The following IMMP2L variants were observed in gnomAD, a reference collection of about 807,000 sequenced individuals.
IMMP2L encodes inner mitochondrial membrane peptidase subunit 2.
A neutral mutation model predicts 19.3 loss-of-function variants in IMMP2L; 18 were observed. That is an observed-to-expected ratio of 0.93 (90% CI 0.64 to 1.38). The LOEUF is 1.38. IMMP2L is among the 40% of genes most tolerant of loss of function. The probability of loss-of-function intolerance (pLI) is 0.00; values close to 1 mark genes in which losing one functional copy is unlikely to be tolerated. For missense variants in IMMP2L, 233 were observed against 218.2 expected (o/e 1.07, Z -0.43); for synonymous variants, 76 against 73.0 (o/e 1.04, Z -0.21).
rs1167207546 is a variant in IMMP2L at position 111,248,777 on chromosome 7, G to A, written c.239+238461C>T. 3.3e-4 allele frequency among the ~76,000 whole-genome samples: 11 copies of A among 33,036 alleles called. No homozygotes were observed. In the East Asian group the frequency reaches 0.01, roughly 31 times the overall value. 21.7% of individuals were successfully genotyped at this position (33,036 alleles called of 152,430 possible). The stretch of plus-strand genomic sequence containing the variant: ...AGCTGCAGGTCTGTTGGAATACCCT[G>A]CCGTGTGAGATGTCAGTGTGCCCCT... On this transcript the variant is annotated intron_variant, in intron 3 of 5. Transcript: ENST00000405709.
intron 4 of IMMP2L, among the ~76,000 whole-genome samples, chr7:110,890,631 G>C (rs1280573888): frequency 1.3e-5 from 2 of 152,100 alleles, no homozygotes; most frequent in Non-Finnish European, 2.9e-5. Context: ...TAATCTTTTA[G>C]GTGATTTAAC....
intron 3 of IMMP2L, among the ~76,000 whole-genome samples, chr7:111,427,730 T>C (rs1480722446): frequency 1.3e-5 from 2 of 151,766 alleles, no homozygotes; most frequent in Admixed American, 6.6e-5. Context: ...GTTTCCATTA[T>C]GCCAAAAAAT....
intron 3 of IMMP2L, among the ~76,000 whole-genome samples, chr7:111,459,891 A>G (rs1403426439): frequency 6.6e-6 from 1 of 152,158 alleles, no homozygotes; most frequent in African/African-American, 2.4e-5. Flanking sequence ...GGAAATTGCT[A>G]AAGTCTGGAA....
At chr7:111,211,792 GA>G (rs1482303628) in intron 3 of IMMP2L, among the ~76,000 whole-genome samples, 1 of 151,830 alleles carries the variant, frequency 6.6e-6, no homozygotes, top group African/African-American at 2.4e-5. Context: ...GGCAGATCGA[GA>G]CCATCCTGGC....
At chr7:110,982,051 C>G (rs1435678496) in intron 3 of IMMP2L, among the ~76,000 whole-genome samples, 1 of 152,128 alleles carries the variant, frequency 6.6e-6, no homozygotes, top group Non-Finnish European at 1.5e-5. Context: ...ATTGCAAGAT[C>G]TTTTTCAAAG....
At chr7:111,142,789 A>G (rs1803073432) in intron 3 of IMMP2L, among the ~76,000 whole-genome samples, 1 of 152,174 alleles carries the variant, frequency 6.6e-6, no homozygotes, top group Admixed American at 6.5e-5. Flanking sequence ...GCAATATCCT[A>G]TACCTGAGGA....
intron 5 of IMMP2L, among the ~76,000 whole-genome samples, chr7:110,885,278 C>T (rs1342033858): frequency 6.6e-6 from 1 of 151,748 alleles, no homozygotes; most frequent in Non-Finnish European, 1.5e-5. Context: ...TTCCTTTGAG[C>T]ATCATATTGG....
At chr7:111,551,859 G>C (rs952598485) in intron 1 of IMMP2L, among the ~76,000 whole-genome samples, 4 of 152,056 alleles carry the variant, frequency 2.6e-5, no homozygotes, top group Non-Finnish European at 5.9e-5. Flanking sequence ...AGGAAATATA[G>C]CCCCTACTAC....
chr7:111,426,516 G>T (rs905003523), intron 3 of IMMP2L, among the ~76,000 whole-genome samples: 6 of 151,060 alleles, frequency 4.0e-5, no homozygotes, highest in African/African-American at 1.5e-4. Context: ...GGTTTCCCTA[G>T]ACCAGGATGC....
chr7:111,268,569 C>CTT lies in IMMP2L; in HGVS notation c.239+218667_239+218668dup, dbSNP rs762576425. Among the ~76,000 whole-genome samples the CTT allele has an allele frequency of 9.3e-3, 416 of 44,592 alleles. 75 individuals are homozygous for CTT. The highest frequency in any genetic ancestry group is 0.012 in the Non-Finnish European group (327 of 26,636). 29.3% of individuals were successfully genotyped at this position (44,592 alleles called of 152,430 possible). On this transcript the variant is annotated intron_variant, in intron 3 of 5. Coordinates refer to ENST00000405709, the MANE Select transcript of IMMP2L (RefSeq NM_032549.4). ...GATATGAGTTAAACTTCACATTTCT[C>CTT]TTTTTTTTTTTTTTTTTTTTTTTTT...
At chr7:111,276,273 T>G (rs532910845) in intron 3 of IMMP2L, among the ~76,000 whole-genome samples, 1 of 152,252 alleles carries the variant, frequency 6.6e-6, no homozygotes, top group Admixed American at 6.5e-5. Flanking sequence ...TATCGAAGCA[T>G]CCTTGCATCC....
At chr7:111,385,476 C>T (rs1831644149) in intron 3 of IMMP2L, among the ~76,000 whole-genome samples, 5 of 152,110 alleles carry the variant, frequency 3.3e-5, no homozygotes, top group African/African-American at 4.8e-5. Context: ...GAAGTGAGTC[C>T]ACAACCACAC....
intron 3 of IMMP2L, among the ~76,000 whole-genome samples, chr7:111,424,191 C>G (rs758765119): frequency 1.3e-5 from 2 of 151,756 alleles, no homozygotes; most frequent in Admixed American, 6.6e-5. Flanking sequence ...TCTGTAGAAC[C>G]TGATTTACGG....
intron 5 of IMMP2L, among the ~76,000 whole-genome samples, chr7:110,848,327 T>G (rs1347670358): frequency 6.6e-6 from 1 of 152,164 alleles, no homozygotes. Flanking sequence ...TAATATAGCA[T>G]TTGGGAATTT....
intron 3 of IMMP2L, among the ~76,000 whole-genome samples, chr7:111,150,250 G>A (rs891177166): frequency 2.6e-5 from 4 of 151,962 alleles, no homozygotes; most frequent in African/African-American, 7.3e-5. Flanking sequence ...TCTTGTCATC[G>A]TATGTTCAAA....
chr7:110,774,454 T>C (rs914176808), intron 5 of IMMP2L, among the ~76,000 whole-genome samples: 2 of 152,102 alleles, frequency 1.3e-5, no homozygotes, highest in African/African-American at 4.8e-5. Context: ...TTACTACTTT[T>C]ATCCAGAAGG....
intron 5 of IMMP2L, among the ~76,000 whole-genome samples, chr7:110,885,560 C>A (rs1197561811): frequency 1.3e-5 from 2 of 151,840 alleles, no homozygotes; most frequent in Admixed American, 6.6e-5. Context: ...CACAAAATAC[C>A]AGTTTAGTCT....
chr7:111,038,894 A>T (rs1208391707), intron 3 of IMMP2L, among the ~76,000 whole-genome samples: 1 of 152,220 alleles, frequency 6.6e-6, no homozygotes, highest in East Asian at 1.9e-4. Flanking sequence ...AAACTTGGGG[A>T]CGATAACTCA....
At chr7:111,007,143 G>A (rs1003520725) in intron 3 of IMMP2L, among the ~76,000 whole-genome samples, 14 of 152,060 alleles carry the variant, frequency 9.2e-5, no homozygotes, top group African/African-American at 2.9e-4. Context: ...AGGGAAGCAC[G>A]CACCTTCTTC....
Sources: gnomAD v4.1 joint callset for allele counts (sites outside exome capture counted in the v4.1 genomes callset) on GRCh38, gnomAD v4.1.1 for gene constraint, MANE v1.5 for transcripts, NCBI Gene and HGNC (gene_info 2026-07-23, HGNC 2026-07-21) for gene names.